TRAPPC9: variants seen among roughly 807,000 people sequenced by gnomAD.
TRAPPC9 encodes the protein trafficking protein particle complex subunit 9.
TRAPPC9 carries 83 observed loss-of-function variants against 124.0 expected under a neutral mutation model. The ratio of observed to expected loss-of-function variants is 0.67; its 90% CI spans 0.56 to 0.80. TRAPPC9 has a LOEUF of 0.80. TRAPPC9 is among the 30% of genes least tolerant of loss of function. The pLI, the probability that TRAPPC9 is intolerant of heterozygous loss-of-function variation, is 0.00. For missense variants in TRAPPC9, 1,302 were observed against 1,508.3 expected, an observed-to-expected ratio of 0.86 and a Z score of 2.27; for synonymous variants, 638 against 617.5, an observed-to-expected ratio of 1.03 and a Z score of -0.49.
intron 7 of TRAPPC9, among the ~76,000 whole-genome samples, chr8:140,377,884 C>CG (rs1251374340): frequency 5.9e-5 from 9 of 151,756 alleles, no homozygotes; most frequent in East Asian, 1.9e-4. Flanking sequence ...CGCTTGAACC[C>CG]GGGGGGCAGA....
At chr8:140,052,618 G>A (rs1842067346) in intron 17 of TRAPPC9, among the ~76,000 whole-genome samples, 1 of 152,012 alleles carries the variant, frequency 6.6e-6, no homozygotes, top group South Asian at 2.1e-4. Flanking sequence ...CCTGTCTCTA[G>A]TAGAAATATA....
In TRAPPC9 at chr8:140,014,227, C is replaced by T. The variant is rs542178623; in HGVS notation, c.2699+9710G>A. Among the ~76,000 whole-genome samples, 19 of 152,164 alleles carry T rather than the reference C, an allele frequency of 1.2e-4. No individual in the cohort carries two copies. In the South Asian group the frequency reaches 2.7e-3, roughly 22 times the overall value. On this transcript the variant is annotated intron_variant, in intron 18 of 22. Transcript: ENST00000438773. Reference sequence around the variant, plus strand: ...AGAGTAGAAATGTCTAAGAGTGGATCGTTTATTGTAACAGGCTAGAAAGAA... The same window carrying T: ...AGAGTAGAAATGTCTAAGAGTGGATTGTTTATTGTAACAGGCTAGAAAGAA...
At chr8:140,150,735 A>G (rs1212787887) in intron 17 of TRAPPC9, among the ~76,000 whole-genome samples, 1 of 152,196 alleles carries the variant, frequency 6.6e-6, no homozygotes, top group African/African-American at 2.4e-5. Flanking sequence ...GAACCTAGGA[A>G]GAAATCGGAT....
At chr8:140,136,283 C>T (rs1563788771) in intron 17 of TRAPPC9, among the ~76,000 whole-genome samples, 1 of 152,172 alleles carries the variant, frequency 6.6e-6, no homozygotes, top group South Asian at 2.1e-4. Context: ...AGGTGACCAT[C>T]AGGGGATCCG....
chr8:140,033,383 C>T (rs556557996), intron 17 of TRAPPC9, among the ~76,000 whole-genome samples: 97 of 152,202 alleles, frequency 6.4e-4, no homozygotes, highest in Non-Finnish European at 1.0e-3. Context: ...AAACAAATCT[C>T]GGCATTGACC....
chr8:140,281,308 C>A (rs1015116446), intron 14 of TRAPPC9, among the ~76,000 whole-genome samples: 3 of 152,194 alleles, frequency 2.0e-5, no homozygotes, highest in African/African-American at 7.2e-5. Flanking sequence ...CTATGGTGAG[C>A]CCTGTGAGCG....
intron 17 of TRAPPC9, among the ~76,000 whole-genome samples, chr8:140,195,692 C>T (rs2062638483): frequency 6.6e-6 from 1 of 151,212 alleles, no homozygotes; most frequent in Admixed American, 6.6e-5. Context: ...GACATTAAAA[C>T]ACACTCAACT....
intron 17 of TRAPPC9, among the ~76,000 whole-genome samples, chr8:140,192,316 C>T (rs531332884): frequency 6.6e-6 from 1 of 152,330 alleles, no homozygotes; most frequent in Admixed American, 6.5e-5. Context: ...AAAATGGTTT[C>T]CCCACAGCCA....
chr8:139,975,239 A>C (rs1836365775), intron 19 of TRAPPC9, among the ~76,000 whole-genome samples: 1 of 152,238 alleles, frequency 6.6e-6, no homozygotes, highest in Non-Finnish European at 1.5e-5. Context: ...CACTAGAGAC[A>C]GTGGCGACTG....
At chr8:140,199,539 ATCAT>A (rs1189289340) in intron 17 of TRAPPC9, among the ~76,000 whole-genome samples, 1 of 27,700 alleles carries the variant, frequency 3.6e-5, no homozygotes, top group Non-Finnish European at 7.6e-5. Flanking sequence ...CTTCCACTGC[ATCAT>A]GCTGCTTTCT....
At chr8:139,965,148 A>G (rs1835618835) in intron 19 of TRAPPC9, among the ~76,000 whole-genome samples, 1 of 152,194 alleles carries the variant, frequency 6.6e-6, no homozygotes. Context: ...ACAGGCTTCT[A>G]ACCACAAGGC....
chr8:139,910,099 C>T, intron 20 of TRAPPC9, 48 bp downstream of exon 20: 1 of 1,611,674 alleles, frequency 6.2e-7, no homozygotes, highest in East Asian at 2.2e-5. Flanking sequence ...AGGTTGGAAC[C>T]CTGGGCAAAG....
intron 21 of TRAPPC9, among the ~76,000 whole-genome samples, chr8:139,752,234 C>T (rs1216447378): frequency 6.6e-6 from 1 of 150,724 alleles, no homozygotes; most frequent in Non-Finnish European, 1.5e-5. Flanking sequence ...CAACATCTAC[C>T]CATCCATCCA....
intron 17 of TRAPPC9, among the ~76,000 whole-genome samples, chr8:140,065,020 C>T (rs530445019): frequency 6.6e-6 from 1 of 152,268 alleles, no homozygotes; most frequent in East Asian, 1.9e-4. Flanking sequence ...AGACTTCGCC[C>T]AAAGGATAAG....
At chr8:139,918,992 G>A (rs576502319) in intron 19 of TRAPPC9, among the ~76,000 whole-genome samples, 5 of 152,290 alleles carry the variant, frequency 3.3e-5, no homozygotes, top group South Asian at 2.1e-4. Context: ...GGGAGGAGCC[G>A]GTGCCCGGAG....
chr8:140,150,341 C>G (rs952285661), intron 17 of TRAPPC9, among the ~76,000 whole-genome samples: 2 of 152,104 alleles, frequency 1.3e-5, no homozygotes, highest in Admixed American at 6.5e-5. Flanking sequence ...CCCAGCTACT[C>G]AGGAAGCTGA....
chr8:140,260,430 T>A (rs2064377641), intron 15 of TRAPPC9, among the ~76,000 whole-genome samples: 1 of 152,230 alleles, frequency 6.6e-6, no homozygotes, highest in Admixed American at 6.5e-5. Context: ...CAGACTCAAC[T>A]CTGCCAGCTG....
intron 16 of TRAPPC9, among the ~76,000 whole-genome samples, chr8:140,235,644 G>A (rs2063713027): frequency 6.6e-6 from 1 of 152,198 alleles, no homozygotes; most frequent in Admixed American, 6.5e-5. Flanking sequence ...CAATACCAAT[G>A]GGTGGCGAGG....
Position 139,910,283 on chromosome 8 carries a change from T to A in TRAPPC9, c.2828A>T (p.Asp943Val). 6.2e-7 allele frequency: 1 copy of A among 1,614,170 alleles called. No individual in the cohort carries two copies. The highest frequency in any genetic ancestry group is 1.1e-5 in the South Asian group (1 of 91,086). Residue 943 changes from aspartate (D) to valine (V), a missense_variant, in exon 20 of 23, where the codon GAC becomes GTC. By Grantham distance (152) the Asp-to-Val change is radical. Coordinates refer to ENST00000438773, the MANE Select transcript of TRAPPC9 (RefSeq NM_001160372.4). ...CGGGAAACTCTCAAAGTTGAACTTG[T>A]CCACTTGAATAGCCATTCTACGAGA... ...GECQRMAIQV[D>V]KFNFESFPES...
Sources: gnomAD v4.1 joint callset for allele counts (sites outside exome capture counted in the v4.1 genomes callset) on GRCh38, gnomAD v4.1.1 for gene constraint, MANE v1.5 for transcripts, NCBI Gene and HGNC (gene_info 2026-07-23, HGNC 2026-07-21) for gene names.